Variants in ZNF608 observed in about 807,000 individuals in gnomAD.
ZNF608 encodes zinc finger protein 608, also known as renal carcinoma antigen NY-REN-36.
A neutral mutation model predicts 109.0 loss-of-function variants in ZNF608; 12 were observed. That is an observed-to-expected ratio of 0.11 (90% CI 0.07 to 0.18). The LOEUF (loss-of-function observed/expected upper bound fraction) is 0.18, where lower values mean the gene tolerates loss of function less well. Ranked by LOEUF, ZNF608 falls within the 10% of genes least tolerant of loss-of-function variation. The pLI is 1.00. For synonymous variants in ZNF608, 732 were observed against 717.4 expected (o/e 1.02, Z -0.33); for missense variants, 1,707 against 1,879.3 (o/e 0.91, Z 1.70).
intron 2 of ZNF608, among the ~76,000 whole-genome samples, chr5:124,721,456 G>A (rs1753897295): frequency 6.6e-6 from 1 of 152,122 alleles, no homozygotes; most frequent in Non-Finnish European, 1.5e-5. Flanking sequence ...GCTGGCAGGG[G>A]AAACATGCGC....
intron 3 of ZNF608, among the ~76,000 whole-genome samples, chr5:124,685,751 A>G (rs1752386901): frequency 6.6e-6 from 1 of 152,174 alleles, no homozygotes; most frequent in South Asian, 2.1e-4. Context: ...TGAGGTGGGT[A>G]TATGTGGTTA....
Position 124,646,691 on chromosome 5 carries a change from C to G in ZNF608, c.3693G>C (p.Ser1231=), listed in dbSNP as rs201845556. ...SMKQTGVDPT[S]RFKQDPDSRT... ...TCCACAATCTTACTTGTTTAAATCT[C>G]GAGGTTGGGTCTACACCTGTCTGCT... Residue 1231 remains serine (S), a synonymous_variant, in exon 5 of 10, where the codon TCG becomes TCC. Coordinates refer to ENST00000513986, the MANE Select transcript of ZNF608 (RefSeq NM_020747.3). The G allele has an allele frequency of 6.2e-6, 10 of 1,609,794 alleles. No homozygotes were observed. The East Asian group carries it at 1.6e-4, about 25-fold the overall frequency.
chr5:124,710,447 A>G (rs1389916845), intron 2 of ZNF608: 1 of 352,850 alleles, frequency 2.8e-6, no homozygotes, highest in Admixed American at 4.0e-5. Context: ...TATGGGAGCT[A>G]TGTGGTGTAT....
Position 124,744,628 on chromosome 5 carries a change from G to C in ZNF608, c.362C>G (p.Ser121Cys). The C allele has an allele frequency of 6.8e-6, 11 of 1,614,216 alleles. No individual in the cohort carries two copies. The highest frequency in any genetic ancestry group is 9.3e-6 in the Non-Finnish European group (11 of 1,180,042). The change falls in exon 2 of 10, where the codon TCT (serine) becomes TGT (cysteine). Residue 121 changes from serine to cysteine, a missense_variant. Physicochemically the swap from Ser to Cys is moderately radical, Grantham distance 112. Coordinates refer to ENST00000513986, the MANE Select transcript of ZNF608 (RefSeq NM_020747.3). The surrounding 1 kb of genome is among the most constrained non-coding windows in gnomAD (Gnocchi z 4.5). ...CTCGGGAATCCCATACAAGGCAGCA[G>C]AAGGCAGAGATTTATTAGCATCCTT... ...TSKDANKSLP[S>C]AALYGIPEIS...
intron 3 of ZNF608, among the ~76,000 whole-genome samples, chr5:124,654,297 C>T (rs1435671922): frequency 6.6e-6 from 1 of 152,110 alleles, no homozygotes; most frequent in Admixed American, 6.5e-5. Context: ...GCTGGGATTA[C>T]AGTGTGACCC....
Position 124,744,789 on chromosome 5 carries a change from A to C in ZNF608, c.201T>G (p.Gly67=). The C allele has an allele frequency of 1.2e-6, 2 of 1,614,074 alleles. No homozygotes were observed. Among genetic ancestry groups the C allele is most frequent in the Non-Finnish European group, 1.7e-6 (2 of 1,180,004 alleles). ...TSSSNSKDCG[G]PASSGAGATA... ...TAGCACCAGCCCCACTGGAGGCCGG[A>C]CCTCCACAATCCTTGGAGTTGCTGC... Residue 67 remains glycine (G), a synonymous_variant, in exon 2 of 10, where the codon GGT becomes GGG. Coordinates refer to ENST00000513986, the MANE Select transcript of ZNF608 (RefSeq NM_020747.3). The surrounding 1 kb of genome is among the most constrained non-coding windows in gnomAD (Gnocchi z 4.5).
intron 3 of ZNF608, among the ~76,000 whole-genome samples, chr5:124,669,403 A>G (rs1194779515): frequency 2.6e-5 from 4 of 152,160 alleles, no homozygotes; most frequent in Non-Finnish European, 4.4e-5. Flanking sequence ...TCAGCATGGC[A>G]TCAGCCACCA....
chr5:124,645,435 T>C (rs1209855064), intron 5 of ZNF608, among the ~76,000 whole-genome samples: 4 of 152,160 alleles, frequency 2.6e-5, no homozygotes, highest in African/African-American at 7.2e-5. Context: ...CCATTCATGA[T>C]ATAAACCCAC....
chr5:124,690,924 A>ACAC (rs1561562225), intron 3 of ZNF608, among the ~76,000 whole-genome samples: 1,121 of 86,988 alleles, frequency 0.013, 18 homozygotes, highest in African/African-American at 0.061. Flanking sequence ...GCAACAGAAA[A>ACAC]ACACACACAC....
chr5:124,736,571 G>A (rs1481374516), intron 2 of ZNF608, among the ~76,000 whole-genome samples: 1 of 151,906 alleles, frequency 6.6e-6, no homozygotes, highest in Non-Finnish European at 1.5e-5. Flanking sequence ...CACATGATGA[G>A]TGTAGTTTAA....
At chr5:124,713,578 A>G (rs977506091) in intron 2 of ZNF608, among the ~76,000 whole-genome samples, 4 of 152,234 alleles carry the variant, frequency 2.6e-5, no homozygotes, top group African/African-American at 9.6e-5. Flanking sequence ...AATTTTGTCA[A>G]TTAAAAAATT....
intron 4 of ZNF608, 132 bp from the exon 5 acceptor site, chr5:124,649,265 C>T: frequency 1.4e-6 from 1 of 729,632 alleles, no homozygotes; most frequent in Non-Finnish European, 2.1e-6. Flanking sequence ...AAGGAAAAGA[C>T]TGACAATTTC....
Position 124,637,482 on chromosome 5 carries a change from A to G in ZNF608, c.*418T>C, listed in dbSNP as rs1406423501. 6.6e-6 allele frequency: 1 copy of G among 152,658 alleles called. No individual in the cohort carries two copies. Among genetic ancestry groups the G allele is most frequent in the African/African-American group, 2.4e-5 (1 of 41,456 alleles). The allele number at this position is 152,658 out of a possible 1,614,324, so 9.5% of individuals were successfully genotyped here. A position where few individuals can be genotyped will look rare whatever the true frequency, so the allele number is the denominator to read the frequency against. On this transcript the variant is annotated 3_prime_UTR_variant, in exon 10 of 10. Coordinates refer to ENST00000513986, the MANE Select transcript of ZNF608 (RefSeq NM_020747.3). ...ATGCAAGGTTCAGGCACACTGATAC[A>G]TAACATTATTTATTTACAATTTTAA...
At chr5:124,710,467 C>T (rs991389317) in intron 2 of ZNF608, 1 of 307,840 alleles carries the variant, frequency 3.2e-6, no homozygotes, top group South Asian at 2.8e-5. Flanking sequence ...TAAAGCTATG[C>T]GGTGAGCTGA....
rs1750032277 is a variant in ZNF608 at position 124,637,541 on chromosome 5, G to C, written c.*359C>G. ...GAAAAGAAAGTAAGTAGCCTTTTGT[G>C]GCTAACACTTTTTAACATGACAAAT... On this transcript the variant is annotated 3_prime_UTR_variant, in exon 10 of 10. Coordinates refer to ENST00000513986, the MANE Select transcript of ZNF608 (RefSeq NM_020747.3). 6.5e-6 allele frequency: 1 copy of C among 153,166 alleles called. No individual in the cohort carries two copies. Among genetic ancestry groups the C allele is most frequent in the African/African-American group, 2.4e-5 (1 of 41,400 alleles). 9.5% of individuals were successfully genotyped at this position (153,166 alleles called of 1,614,324 possible). A position where few individuals can be genotyped will look rare whatever the true frequency, so the allele number is the denominator to read the frequency against.
chr5:124,712,934 A>G (rs1290861849), intron 2 of ZNF608, among the ~76,000 whole-genome samples: 1 of 152,152 alleles, frequency 6.6e-6, no homozygotes, highest in Non-Finnish European at 1.5e-5. Context: ...TCCCATCCCA[A>G]ATGCCATGTC....
At chr5:124,689,493 A>G (rs1490258626) in intron 3 of ZNF608, among the ~76,000 whole-genome samples, 1 of 151,844 alleles carries the variant, frequency 6.6e-6, no homozygotes, top group Non-Finnish European at 1.5e-5. Context: ...AGAGACAGAG[A>G]GAGAAAGAAC....
Position 124,647,169 on chromosome 5 carries a change from G to A in ZNF608, c.3215C>T (p.Pro1072Leu), listed in dbSNP as rs1377867774. The change falls in exon 5 of 10, where the codon CCT (proline) becomes CTT (leucine). Residue 1072 changes from proline to leucine, a missense_variant. Coordinates refer to ENST00000513986, the MANE Select transcript of ZNF608 (RefSeq NM_020747.3). ...QHQSVITQRH[P>L]ALAQSLYYGQ... ...ATAATAAAGTGACTGAGCCAGGGCAGGATGTCTTTGTGTGATCACCGACTG... is the reference window on the plus strand; with the variant it reads ...ATAATAAAGTGACTGAGCCAGGGCAAGATGTCTTTGTGTGATCACCGACTG... The A allele has an allele frequency of 3.1e-6, 5 of 1,614,186 alleles. No homozygotes were observed. The South Asian group carries it at 3.3e-5, about 11-fold the overall frequency.
intron 7 of ZNF608, among the ~76,000 whole-genome samples, chr5:124,641,799 G>A (rs1164534109): frequency 1.3e-5 from 2 of 152,214 alleles, no homozygotes; most frequent in Admixed American, 6.5e-5. Flanking sequence ...ATTTTGTGGA[G>A]AGAACATATC....
Sources: allele counts gnomAD v4.1 joint callset (sites outside exome capture counted in the v4.1 genomes callset), GRCh38; gene constraint gnomAD v4.1.1; non-coding constraint Gnocchi (gnomAD v3.1); transcripts MANE v1.5; gene names NCBI Gene and HGNC (gene_info 2026-07-23, HGNC 2026-07-21).